The following RFT1 variants were observed in gnomAD, a reference collection of about 807,000 sequenced individuals.
The protein encoded by RFT1 is RFT1 glycolipid translocator homolog, also known as man(5)GlcNAc(2)-PP-dolichol translocation protein RFT1.
Under a neutral mutation model 62.2 loss-of-function variants are expected in RFT1, and 43 were observed. The ratio of observed to expected loss-of-function variants is 0.69; its 90% CI spans 0.54 to 0.89. RFT1 has a LOEUF of 0.89. Ranked by LOEUF, RFT1 falls within the 40% of genes least tolerant of loss-of-function variation. The probability of loss-of-function intolerance (pLI) is 0.00; values close to 1 mark genes in which losing one functional copy is unlikely to be tolerated. For synonymous variants in RFT1, 262 were observed against 264.6 expected (o/e 0.99, Z 0.10); for missense variants, 605 against 649.9 (o/e 0.93, Z 0.75).
At chr3:53,119,242 C>T (rs1701899268) in intron 6 of RFT1, among the ~76,000 whole-genome samples, 1 of 152,066 alleles carries the variant, frequency 6.6e-6, no homozygotes, top group Non-Finnish European at 1.5e-5. Flanking sequence ...GGGTTCATCC[C>T]TACTTTCTCA....
At chr3:53,092,272 G>A in intron 12 of RFT1, 97 bp downstream of exon 12, 1 of 1,524,990 alleles carries the variant, frequency 6.6e-7, no homozygotes, top group Non-Finnish European at 8.9e-7. Context: ...CTGGGGAGGG[G>A]ACAGGAGGAG....
chr3:53,123,901 G>A, intron 2 of RFT1, 61 bp from the exon 3 acceptor site: 2 of 1,357,490 alleles, frequency 1.5e-6, no homozygotes, highest in Middle Eastern at 1.8e-4. Context: ...GAACTTCTGG[G>A]ATTTTTCCAG....
At chr3:53,069,886 G>A in the RFT1 span, among the ~76,000 whole-genome samples, 1 of 152,220 alleles carries the variant, frequency 6.6e-6, no homozygotes, top group African/African-American at 2.4e-5. Flanking sequence ...ACAGCCTAGT[G>A]GCAATTACAA....
chr3:53,069,038 C>A, the RFT1 span, among the ~76,000 whole-genome samples: 2 of 152,266 alleles, frequency 1.3e-5, no homozygotes, highest in Non-Finnish European at 2.9e-5. Context: ...CTCCCAGGTT[C>A]ATGCGATTCT....
intron 1 of RFT1, among the ~76,000 whole-genome samples, chr3:53,128,833 G>T (rs1245943069): frequency 6.6e-6 from 1 of 152,176 alleles, no homozygotes; most frequent in Non-Finnish European, 1.5e-5. Flanking sequence ...TTAACAAAAA[G>T]GCTCTCTCAC....
chr3:53,127,652 TAAAA>T (rs34417920), intron 1 of RFT1, among the ~76,000 whole-genome samples: 3 of 137,844 alleles, frequency 2.2e-5, no homozygotes, highest in Admixed American at 7.2e-5. Flanking sequence ...GACTCCATCT[TAAAA>T]AAAAAAAAAA....
chr3:53,078,465 T>C, the RFT1 span, among the ~76,000 whole-genome samples: 1 of 152,168 alleles, frequency 6.6e-6, no homozygotes, highest in South Asian at 2.1e-4. Context: ...TATTTTAAAC[T>C]TGGCCAGGCA....
chr3:53,079,704 C>A, the RFT1 span, among the ~76,000 whole-genome samples: 2 of 152,122 alleles, frequency 1.3e-5, no homozygotes, highest in African/African-American at 4.8e-5. Flanking sequence ...GGGCAACAGA[C>A]CACGACTCTG....
chr3:53,087,468 T>C (rs1311623972), downstream of RFT1, among the ~76,000 whole-genome samples: 1 of 152,070 alleles, frequency 6.6e-6, no homozygotes, highest in Admixed American at 6.6e-5. Context: ...CTCCAGGTTC[T>C]GGATGCTCCC....
At position 53,119,873 on chromosome 3, in the gene RFT1, G is replaced by A. The variant is rs886058725; in HGVS notation, c.696+11C>T. 2 of 1,600,412 alleles carry A rather than the reference G, an allele frequency of 1.2e-6. No homozygotes were observed. Among genetic ancestry groups the A allele is most frequent in the Non-Finnish European group, 1.7e-6 (2 of 1,170,470 alleles). The stretch of plus-strand genomic sequence containing the variant: ...GATTAAAATGATAAGAGATAAAAAT[G>A]TATTACTTACTCCATTTCTTGTAAT... On this transcript the variant is annotated intron_variant, in intron 6 of 12. Coordinates refer to ENST00000296292, the MANE Select transcript of RFT1 (RefSeq NM_052859.4).
chr3:53,129,943 G>A (rs955006881), intron 1 of RFT1, among the ~76,000 whole-genome samples: 4 of 152,130 alleles, frequency 2.6e-5, no homozygotes, highest in Admixed American at 2.6e-4. Flanking sequence ...ATGGACTCTC[G>A]GAACTCAGTG....
intron 6 of RFT1, among the ~76,000 whole-genome samples, chr3:53,114,712 GACC>G (rs1701744857): frequency 2.5e-5 from 2 of 80,018 alleles, no homozygotes; most frequent in African/African-American, 5.1e-5. Flanking sequence ...GGAATACCCT[GACC>G]AACAAGCCAT....
At position 53,088,566 on chromosome 3, in the gene RFT1, G is replaced by A. The variant is rs1700907779; in HGVS notation, c.*3337C>T. 1 of 152,090 alleles carries A rather than the reference G, an allele frequency of 6.6e-6. No homozygotes were observed. 9.4% of individuals were successfully genotyped at this position (152,090 alleles called of 1,614,324 possible). On this transcript the variant is annotated 3_prime_UTR_variant, in exon 13 of 13. Coordinates refer to ENST00000296292, the MANE Select transcript of RFT1 (RefSeq NM_052859.4). Reference sequence around the variant, plus strand: ...ACTAGCAACAGGAATGCATGATTAAGGAAAAAAAATGGCTGGTCTGGAATC... The same window carrying A: ...ACTAGCAACAGGAATGCATGATTAAAGAAAAAAAATGGCTGGTCTGGAATC...
At chr3:53,103,317 G>A (rs1021309941) in intron 10 of RFT1, 1 of 974,448 alleles carries the variant, frequency 1.0e-6, no homozygotes, top group African/African-American at 1.8e-5. Context: ...CACTGCAAAT[G>A]GACTGCCAGC....
the RFT1 span, among the ~76,000 whole-genome samples, chr3:53,082,227 A>T: frequency 2.6e-5 from 4 of 152,278 alleles, no homozygotes; most frequent in South Asian, 8.3e-4. Flanking sequence ...CTGTAATTCT[A>T]GCACTTTGGG....
the RFT1 span, among the ~76,000 whole-genome samples, chr3:53,069,982 G>A: frequency 6.6e-6 from 1 of 152,192 alleles, no homozygotes. Flanking sequence ...AGCAGAGCAG[G>A]CTCTCTGGGA....
intron 11 of RFT1, 63 bp from the exon 12 acceptor site, chr3:53,092,681 A>G (rs889567649): frequency 1.0e-5 from 16 of 1,558,548 alleles, no homozygotes; most frequent in Admixed American, 3.7e-5. Flanking sequence ...CTGCTCCCAA[A>G]ACAGCGGCCA....
Position 53,119,928 on chromosome 3 carries a change from C to T in RFT1, c.652G>A (p.Val218Ile). 1 of 1,612,996 alleles carries T rather than the reference C, an allele frequency of 6.2e-7. No homozygotes were observed. Residue 218 changes from valine (V) to isoleucine (I), a missense_variant, in exon 6 of 13, where the codon GTC becomes ATC. Coordinates refer to ENST00000296292, the MANE Select transcript of RFT1 (RefSeq NM_052859.4). The part of the protein sequence containing the change: ...PESTKLQTLP[V>I]SRITDLLPNI... ...GGTAACAGATCTGTTATTCTGGAGA[C>T]AGGAAGAGTTTGAAGCTTGGTTGAT...
chr3:53,096,382 T>TA (rs1701138118), intron 11 of RFT1, among the ~76,000 whole-genome samples: 1 of 150,436 alleles, frequency 6.6e-6, no homozygotes, highest in African/African-American at 2.4e-5. Context: ...TATGAGGTTA[T>TA]TAAAAAAAAA....
Sources: gnomAD v4.1 joint callset for allele counts (sites outside exome capture counted in the v4.1 genomes callset) on GRCh38, gnomAD v4.1.1 for gene constraint, MANE v1.5 for transcripts, NCBI Gene and HGNC (gene_info 2026-07-23, HGNC 2026-07-21) for gene names.